CDH9: variants seen among roughly 807,000 people sequenced by gnomAD.
The protein encoded by CDH9 is cadherin 9, also known as cadherin-9.
A neutral mutation model predicts 70.9 loss-of-function variants in CDH9; 28 were observed. The ratio of observed to expected loss-of-function variants is 0.40; its 90% CI spans 0.29 to 0.54. CDH9 has a LOEUF of 0.54. Ranked by LOEUF, CDH9 falls within the 20% of genes least tolerant of loss-of-function variation. CDH9 has a pLI of 0.59. For missense variants in CDH9, 874 were observed against 984.4 expected, an observed-to-expected ratio of 0.89 and a Z score of 1.50; for synonymous variants, 409 against 343.1, an observed-to-expected ratio of 1.19 and a Z score of -2.12.
At chr5:26,926,423 T>C (rs772369309) in intron 2 of CDH9, among the ~76,000 whole-genome samples, 1 of 152,112 alleles carries the variant, frequency 6.6e-6, no homozygotes, top group Non-Finnish European at 1.5e-5. Flanking sequence ...TACAAACCAC[T>C]GCTCAACGAA....
At chr5:26,908,061 A>G (rs889426869) in intron 3 of CDH9, among the ~76,000 whole-genome samples, 4 of 152,188 alleles carry the variant, frequency 2.6e-5, no homozygotes, top group African/African-American at 9.6e-5. Context: ...TAACACATCA[A>G]TTGAGCAAGG....
chr5:26,934,533 T>A (rs918299190), intron 2 of CDH9, among the ~76,000 whole-genome samples: 1 of 152,108 alleles, frequency 6.6e-6, no homozygotes, highest in African/African-American at 2.4e-5. Context: ...GTGAGGGGCT[T>A]GCCTCCTTGA....
chr5:26,980,754 C>A (rs193083358), intron 2 of CDH9, among the ~76,000 whole-genome samples: 1 of 152,016 alleles, frequency 6.6e-6, no homozygotes, highest in Admixed American at 6.5e-5. Context: ...GGAATTCAGT[C>A]TATTGAGTCA....
Position 26,891,701 on chromosome 5 carries a change from A to AACAG in CDH9, c.1254-1138_1254-1137insCTGT, listed in dbSNP as rs1376704022. Among the ~76,000 whole-genome samples the AACAG allele has an allele frequency of 1.7e-3, 262 of 151,878 alleles. 2 individuals carry two copies. Among genetic ancestry groups the AACAG allele is most frequent in the Non-Finnish European group, 3.4e-3 (228 of 67,938 alleles). On this transcript the variant is annotated intron_variant, in intron 7 of 11. Coordinates refer to ENST00000231021, the MANE Select transcript of CDH9 (RefSeq NM_016279.4). ...TCAAAAACAAACAAACAAACAAACAAAGTGAAATGGGAAGGCAGAAAATTG... is the reference window on the plus strand; with the variant it reads ...TCAAAAACAAACAAACAAACAAACAAACAGAGTGAAATGGGAAGGCAGAAAATTG...
chr5:27,006,677 C>T (rs1742870043), intron 1 of CDH9, among the ~76,000 whole-genome samples: 1 of 152,112 alleles, frequency 6.6e-6, no homozygotes, highest in Non-Finnish European at 1.5e-5. Flanking sequence ...TTAAGTCCTT[C>T]CCAATGATTG....
intron 1 of CDH9, among the ~76,000 whole-genome samples, chr5:27,024,130 C>T (rs1052585921): frequency 2.6e-5 from 4 of 151,644 alleles, no homozygotes; most frequent in African/African-American, 9.7e-5. Flanking sequence ...TAACTTGACC[C>T]TATTTTTATT....
chr5:27,036,658 G>A (rs1743399006), intron 1 of CDH9, among the ~76,000 whole-genome samples: 1 of 151,614 alleles, frequency 6.6e-6, no homozygotes, highest in Admixed American at 6.6e-5. Flanking sequence ...ACTACTCTCT[G>A]CTTTCTCTAA....
At chr5:26,891,502 AC>A (rs1740659404) in intron 7 of CDH9, among the ~76,000 whole-genome samples, 2 of 151,996 alleles carry the variant, frequency 1.3e-5, no homozygotes, top group African/African-American at 4.8e-5. Flanking sequence ...ACATGGTGAA[AC>A]CCCGTCTCTA....
At chr5:26,932,126 T>A (rs1579459095) in intron 2 of CDH9, among the ~76,000 whole-genome samples, 1 of 28,882 alleles carries the variant, frequency 3.5e-5, no homozygotes, top group East Asian at 6.6e-3. Flanking sequence ...TATTTGAATA[T>A]CATTTTTTTA....
chr5:26,967,314 C>A (rs1742146494), intron 2 of CDH9, among the ~76,000 whole-genome samples: 2 of 152,006 alleles, frequency 1.3e-5, no homozygotes, highest in Non-Finnish European at 2.9e-5. Flanking sequence ...TAATTTAATT[C>A]TCACCAGTGT....
chr5:26,960,671 T>C (rs1354507541), intron 2 of CDH9, among the ~76,000 whole-genome samples: 2 of 151,992 alleles, frequency 1.3e-5, no homozygotes, highest in African/African-American at 4.8e-5. Flanking sequence ...CACTAGTATA[T>C]ACTAAATAAA....
chr5:26,910,583 A>G (rs1373596464), intron 3 of CDH9, among the ~76,000 whole-genome samples: 1 of 152,162 alleles, frequency 6.6e-6, no homozygotes, highest in Admixed American at 6.5e-5. Flanking sequence ...GAATGGTAAA[A>G]CCAACTAAAG....
chr5:26,950,471 C>T lies in CDH9; in HGVS notation c.229-34547G>A, dbSNP rs560948973. On this transcript the variant is annotated intron_variant, in intron 2 of 11. Coordinates refer to ENST00000231021, the MANE Select transcript of CDH9 (RefSeq NM_016279.4). ...ATTTTATGTTCTGAATAGAAGTCACCACTTGCTAAAATGCCTCTAGAAACT... is the reference window on the plus strand; with the variant it reads ...ATTTTATGTTCTGAATAGAAGTCACTACTTGCTAAAATGCCTCTAGAAACT... Among the ~76,000 whole-genome samples, 29 of 152,136 alleles carry T rather than the reference C, an allele frequency of 1.9e-4. No homozygotes were observed. The South Asian group carries it at 5.6e-3, about 29-fold the overall frequency.
At chr5:27,005,963 A>ATG (rs1378929307) in intron 1 of CDH9, among the ~76,000 whole-genome samples, 1 of 152,008 alleles carries the variant, frequency 6.6e-6, no homozygotes, top group Admixed American at 6.6e-5. Context: ...TAGGAGCTAA[A>ATG]TGATGAGAAC....
At chr5:26,952,458 CAAAAAAAAAAAAAAAAA>C (rs766973787) in intron 2 of CDH9, among the ~76,000 whole-genome samples, 279 of 9,970 alleles carry the variant, frequency 0.028, 8 homozygotes, top group African/African-American at 0.056. Context: ...ACTAAAAATA[CAAAAAAAAAAAAAAAAA>C]AAAAAAAAAA....
chr5:27,017,108 G>C (rs1165002273), intron 1 of CDH9, among the ~76,000 whole-genome samples: 1 of 151,650 alleles, frequency 6.6e-6, no homozygotes, highest in African/African-American at 2.4e-5. Context: ...TGTTGTTGCT[G>C]TTTGTCATAT....
At chr5:26,925,561 C>T (rs1430146166) in intron 2 of CDH9, among the ~76,000 whole-genome samples, 1 of 151,978 alleles carries the variant, frequency 6.6e-6, no homozygotes, top group Non-Finnish European at 1.5e-5. Flanking sequence ...TAATTAGATC[C>T]CATTTGTCTA....
At position 26,885,723 on chromosome 5, in the gene CDH9, G is replaced by A. The variant is rs758675428; in HGVS notation, c.1773C>T (p.Cys591=). 10 of 1,613,372 alleles carry A rather than the reference G, an allele frequency of 6.2e-6. No homozygotes were observed. Among genetic ancestry groups the A allele is most frequent in the East Asian group, 2.2e-5 (1 of 44,830 alleles). The change falls in exon 11 of 12, where the codon TGC becomes TGT. Residue 591 remains cysteine (C), a synonymous_variant. Coordinates refer to ENST00000231021, the MANE Select transcript of CDH9 (RefSeq NM_016279.4). ...AGGATTGCATGTTTCCTTGATTATC[G>A]CAGGCACACACACGGATAGTGAGTG... ...TGTLTIRVCA[C]DNQGNMQSCT... is the part of the protein sequence containing the mutation.
At chr5:26,887,189 T>A (rs1418090628) in intron 9 of CDH9, among the ~76,000 whole-genome samples, 1 of 152,024 alleles carries the variant, frequency 6.6e-6, no homozygotes, top group East Asian at 1.9e-4. Context: ...CAATTTTTAA[T>A]AAACTTTTCT....
Sources: allele counts gnomAD v4.1 joint callset (sites outside exome capture counted in the v4.1 genomes callset), GRCh38; gene constraint gnomAD v4.1.1; transcripts MANE v1.5; gene names NCBI Gene and HGNC (gene_info 2026-07-23, HGNC 2026-07-21).